CYBC1: variants seen among roughly 807,000 people sequenced by gnomAD.
CYBC1 encodes cytochrome b-245 chaperone 1.
CYBC1 carries 22 observed loss-of-function variants against 21.7 expected under a neutral mutation model. The observed-to-expected ratio is 1.02, with a 90% CI of 0.73 to 1.45. CYBC1 has a LOEUF of 1.45. Among genes scored for constraint, CYBC1 ranks in the 40% most tolerant of loss-of-function variants. CYBC1 has a pLI of 0.00. For missense variants in CYBC1, 237 were observed against 242.1 expected (o/e 0.98, Z 0.14); for synonymous variants, 112 against 98.7 (o/e 1.13, Z -0.80).
At position 82,444,143 on chromosome 17, in the gene CYBC1, G is replaced by T. The variant is rs373166666; in HGVS notation, c.444-19C>A. The T allele has an allele frequency of 1.9e-6, 3 of 1,605,012 alleles. No individual in the cohort carries two copies. Among genetic ancestry groups the T allele is most frequent in the Non-Finnish European group, 2.6e-6 (3 of 1,174,254 alleles). Reference sequence around the variant, plus strand: ...CACATCACTGGGCGAGGCCGGCAACGGGAGGAAGGTCAGGTCACCTCGGCA... The same window carrying T: ...CACATCACTGGGCGAGGCCGGCAACTGGAGGAAGGTCAGGTCACCTCGGCA... On this transcript the variant is annotated intron_variant, in intron 6 of 6. Transcript: ENST00000306645.
chr17:82,446,747 G>A (rs761292944), intron 3 of CYBC1, 51 bp from the exon 4 acceptor site: 27 of 1,576,312 alleles, frequency 1.7e-5, no homozygotes, highest in South Asian at 6.6e-5. Context: ...ACATGCCCAC[G>A]GGAGGCCCCG....
At chr17:82,445,214 TGG>T in intron 5 of CYBC1, 1 of 154,074 alleles carries the variant, frequency 6.5e-6, no homozygotes, top group Non-Finnish European at 1.4e-5. Context: ...GGGCTATGCA[TGG>T]GCGGCCGGAC....
intron 5 of CYBC1, 21 bp downstream of exon 5, chr17:82,445,843 C>G: frequency 6.3e-7 from 1 of 1,584,704 alleles, no homozygotes; most frequent in Non-Finnish European, 8.6e-7. Context: ...GTCCCATGTC[C>G]CCACGCTCCC....
rs555797016 is a variant in CYBC1, at chr17:82,446,320, G to A, written c.201+303C>T. Among the ~76,000 whole-genome samples the A allele has an allele frequency of 2.0e-5, 3 of 152,306 alleles. No homozygotes were observed. In the East Asian group the frequency reaches 5.8e-4, roughly 29 times the overall value. On this transcript the variant is annotated intron_variant, in intron 4 of 6. Transcript: ENST00000306645. The stretch of plus-strand genomic sequence containing the variant: ...TGAGGGGCTCCGAGGTGGGAGGGCC[G>A]GCCACGGGGAAAGCTGACTCGCATC...
chr17:82,447,893 G>A, intron 2 of CYBC1: 1 of 577,966 alleles, frequency 1.7e-6, no homozygotes, highest in Non-Finnish European at 3.1e-6. Context: ...TCAGGAGTTT[G>A]AGACCAGCCT....
At chr17:82,445,566 CTCAGACCCCTGCTCT>C (rs1476839431) in intron 5 of CYBC1, 1 of 309,794 alleles carries the variant, frequency 3.2e-6, no homozygotes, top group Non-Finnish European at 6.1e-6. Flanking sequence ...ACCCCTGCTC[CTCAGACCCCTGCTCT>C]GCCAGACCCC....
chr17:82,446,679 G>A lies in CYBC1; in HGVS notation c.145C>T (p.Leu49Phe), dbSNP rs72857481. The A allele has an allele frequency of 0.015, 24,501 of 1,614,058 alleles. 224 individuals carry two copies. Among genetic ancestry groups the A allele is most frequent in the Middle Eastern group, 0.017 (104 of 6,062 alleles). ...YYSGDSLGWK[L>F]FYVTGCLFVA... ...AACAGGCAGCCTGTGACGTAGAAGA[G>A]CTTCCAGCCCAGGCTATCTGGAGAT... Residue 49 changes from leucine to phenylalanine, a missense_variant, in exon 4 of 7, where the codon CTC (leucine) becomes TTC (phenylalanine). Physicochemically the swap from Leu to Phe is conservative, Grantham distance 22. Coordinates refer to ENST00000306645, the MANE Select transcript of CYBC1 (RefSeq NM_001033046.4).
At chr17:82,449,049 A>C (rs1412622658) in intron 2 of CYBC1, 121 bp downstream of exon 2, 4 of 800,358 alleles carry the variant, frequency 5.0e-6, no homozygotes, top group Non-Finnish European at 7.9e-6. Flanking sequence ...ACAAAGAAAC[A>C]AAATAGCCAT....
At chr17:82,446,036 C>A (rs79154093) in intron 4 of CYBC1, 76 bp from the exon 5 acceptor site, 1 of 1,193,832 alleles carries the variant, frequency 8.4e-7, no homozygotes, top group Non-Finnish European at 1.2e-6. Context: ...CTCACCCCCA[C>A]CCTCACCAGG....
At chr17:82,446,880 G>C in intron 3 of CYBC1, 184 bp from the exon 4 acceptor site, 1 of 611,578 alleles carries the variant, frequency 1.6e-6, no homozygotes, top group Non-Finnish European at 2.9e-6. Context: ...ACCCCACCCA[G>C]CTCTGACCCC....
chr17:82,450,072 C>CG (rs2054505249), intron 1 of CYBC1: 2 of 151,998 alleles, frequency 1.3e-5, no homozygotes, highest in Admixed American at 6.6e-5. Context: ...GTTTGAGTCA[C>CG]GGAGTTCAAG....
At chr17:82,444,173 G>A (rs780895336) in intron 6 of CYBC1, 49 bp from the exon 7 acceptor site, 2 of 1,585,078 alleles carry the variant, frequency 1.3e-6, no homozygotes, top group Non-Finnish European at 1.7e-6. Context: ...TCGGCATAGG[G>A]CACCGTGAGA....
chr17:82,446,074 A>C (rs2143716718), intron 4 of CYBC1, 114 bp from the exon 5 acceptor site: 1 of 802,100 alleles, frequency 1.2e-6, no homozygotes, highest in Non-Finnish European at 2.0e-6. Context: ...GGGGCTGGGG[A>C]CCCTCCCAGT....
intron 5 of CYBC1, 129 bp from the exon 6 acceptor site, chr17:82,444,720 C>G (rs2054177683): frequency 3.2e-6 from 4 of 1,234,458 alleles, no homozygotes; most frequent in Non-Finnish European, 4.5e-6. Flanking sequence ...TTGCTGTTTC[C>G]TGCCTGAGGC....
At chr17:82,444,643 G>A (rs764152629) in intron 5 of CYBC1, 52 bp from the exon 6 acceptor site, 27 of 1,549,758 alleles carry the variant, frequency 1.7e-5, no homozygotes, top group African/African-American at 1.1e-4. Context: ...CATGCTGCCC[G>A]GCAGTCGCAC....
At position 82,449,181 on chromosome 17, in the gene CYBC1, G is replaced by A. The variant is rs1038090622; in HGVS notation, c.74C>T (p.Ser25Phe). ...LKRAPGIRSWSLLVGILSIGL... is the reference protein window; with the variant it reads ...LKRAPGIRSWFLLVGILSIGL... ...GTGGAGAGCCTTACCAACCAGCAGG[G>A]ACCAGGACCGGATGCCTGGAGCCCT... is the stretch of plus-strand genomic sequence containing the variant. The change falls in exon 2 of 7, where the codon TCC becomes TTC. Residue 25 changes from serine (S) to phenylalanine (F), a missense_variant. By Grantham distance (155) the Ser-to-Phe change is radical. Coordinates refer to ENST00000306645, the MANE Select transcript of CYBC1 (RefSeq NM_001033046.4). The A allele has an allele frequency of 5.1e-6, 8 of 1,577,806 alleles. No homozygotes were observed. The highest frequency in any genetic ancestry group is 6.9e-6 in the Non-Finnish European group (8 of 1,162,556).
Position 82,442,800 on chromosome 17 carries a change from T to G in CYBC1, c.*1204A>C. The G allele has an allele frequency of 9.5e-6, 5 of 524,574 alleles. No individual in the cohort carries two copies. Among genetic ancestry groups the G allele is most frequent in the Non-Finnish European group, 1.3e-5 (4 of 297,640 alleles). 32.5% of individuals were successfully genotyped at this position (524,574 alleles called of 1,614,324 possible). A position where few individuals can be genotyped will look rare whatever the true frequency, so the allele number is the denominator to read the frequency against. On this transcript the variant is annotated 3_prime_UTR_variant, in exon 7 of 7. Coordinates refer to ENST00000306645, the MANE Select transcript of CYBC1 (RefSeq NM_001033046.4). The surrounding 1 kb of genome is among the most constrained non-coding windows in gnomAD (Gnocchi z 6.8). ...AGGTGTTCCCTGTCCTACCCAGCCA[T>G]TCCTGGGCCTGCCGCCTAGGGGCTC...
At position 82,443,649 on chromosome 17, in the gene CYBC1, C is replaced by G; in HGVS notation, c.*355G>C. 1 of 756,020 alleles carries G rather than the reference C, an allele frequency of 1.3e-6. No homozygotes were observed. Among genetic ancestry groups the G allele is most frequent in the Non-Finnish European group, 2.4e-6 (1 of 414,502 alleles). 46.8% of individuals were successfully genotyped at this position (756,020 alleles called of 1,614,324 possible). A position where few individuals can be genotyped will look rare whatever the true frequency, so the allele number is the denominator to read the frequency against. Reference sequence around the variant, plus strand: ...CGGCTGCAGAAAGGCAGGCCCAGGCCTCACGATGGAGAAAGTCTGGATGTC... The same window carrying G: ...CGGCTGCAGAAAGGCAGGCCCAGGCGTCACGATGGAGAAAGTCTGGATGTC... On this transcript the variant is annotated 3_prime_UTR_variant, in exon 7 of 7. Transcript: ENST00000306645. The surrounding 1 kb of genome is among the most constrained non-coding windows in gnomAD (Gnocchi z 6.7).
At chr17:82,448,257 G>A (rs1216534953) in intron 2 of CYBC1, 1 of 183,760 alleles carries the variant, frequency 5.4e-6, no homozygotes, top group African/African-American at 2.4e-5. Flanking sequence ...AGTGGACTGT[G>A]AGTCCTACGA....
Sources: allele counts gnomAD v4.1 joint callset (sites outside exome capture counted in the v4.1 genomes callset), GRCh38; gene constraint gnomAD v4.1.1; non-coding constraint Gnocchi (gnomAD v3.1); transcripts MANE v1.5; gene names NCBI Gene and HGNC (gene_info 2026-07-23, HGNC 2026-07-21).